Variants in TRERF1 observed in about 807,000 individuals in gnomAD.
TRERF1 encodes transcriptional-regulating factor 1.
Under a neutral mutation model 122.9 loss-of-function variants are expected in TRERF1, and 27 were observed. That is an observed-to-expected ratio of 0.22 (90% confidence interval 0.16 to 0.30). The LOEUF (loss-of-function observed/expected upper bound fraction) is 0.30, where lower values mean the gene tolerates loss of function less well. TRERF1 is among the 10% of genes least tolerant of loss of function. The pLI, the probability that TRERF1 is intolerant of heterozygous loss-of-function variation, is 1.00. For missense variants in TRERF1, 1,248 were observed against 1,560.3 expected (o/e 0.80, Z 3.37); for synonymous variants, 636 against 641.7 (o/e 0.99, Z 0.13).
intron 3 of TRERF1, among the ~76,000 whole-genome samples, chr6:42,330,008 G>A (rs1043044984): frequency 6.6e-6 from 1 of 151,880 alleles, no homozygotes; most frequent in Non-Finnish European, 1.5e-5. Flanking sequence ...AAAAAGTATT[G>A]ATTCTATGTA....
intron 13 of TRERF1, among the ~76,000 whole-genome samples, chr6:42,250,804 C>T (rs974417210): frequency 1.7e-4 from 26 of 152,108 alleles, no homozygotes; most frequent in Admixed American, 1.4e-3. Context: ...CAGAGGAAAA[C>T]TGTTTTGACC....
chr6:42,279,853 C>T (rs534056327), intron 4 of TRERF1, among the ~76,000 whole-genome samples: 1 of 152,264 alleles, frequency 6.6e-6, no homozygotes, highest in East Asian at 1.9e-4. Flanking sequence ...ACCAAAGGGT[C>T]ACCCAGGGCC....
chr6:42,307,518 G>A (rs889878965), intron 3 of TRERF1, among the ~76,000 whole-genome samples: 1 of 151,924 alleles, frequency 6.6e-6, no homozygotes, highest in African/African-American at 2.4e-5. Context: ...ATATTGGAAC[G>A]GGCCCTCCAG....
At chr6:42,426,037 C>T (rs1429846558) in intron 2 of TRERF1, among the ~76,000 whole-genome samples, 1 of 152,142 alleles carries the variant, frequency 6.6e-6, no homozygotes, top group Admixed American at 6.5e-5. Flanking sequence ...CTTGACACTT[C>T]CCTGGCTGCA....
At chr6:42,372,589 G>C (rs777360485) in intron 2 of TRERF1, among the ~76,000 whole-genome samples, 32 of 152,146 alleles carry the variant, frequency 2.1e-4, no homozygotes, top group Non-Finnish European at 4.4e-4. Context: ...CCTAGGATTC[G>C]CACCTAAGAA....
chr6:42,440,025 T>C (rs144948112), intron 2 of TRERF1, among the ~76,000 whole-genome samples: 1 of 152,322 alleles, frequency 6.6e-6, no homozygotes, highest in African/African-American at 2.4e-5. Context: ...CAATAAATGC[T>C]TGATGAACAA....
At chr6:42,428,064 G>A (rs1783915546) in intron 2 of TRERF1, among the ~76,000 whole-genome samples, 1 of 152,170 alleles carries the variant, frequency 6.6e-6, no homozygotes, top group African/African-American at 2.4e-5. Context: ...TAGGAGTCAA[G>A]TCTGGGTAAC....
intron 3 of TRERF1, among the ~76,000 whole-genome samples, chr6:42,341,523 G>T (rs76416356): frequency 0.027 from 4,115 of 152,310 alleles, 195 homozygotes; most frequent in African/African-American, 0.095. Context: ...GGGAGCAGGC[G>T]TAGAGCAAGG....
At position 42,370,133 on chromosome 6, in the gene TRERF1, A is replaced by AG. The variant is rs35720390; in HGVS notation, c.-453-7055dup. 7.6e-3 allele frequency among the ~76,000 whole-genome samples: 1,150 copies of AG among 152,222 alleles called. 13 individuals are homozygous for AG. Among genetic ancestry groups the AG allele is most frequent in the African/African-American group, 0.025 (1,035 of 41,526 alleles). On this transcript the variant is annotated intron_variant, in intron 2 of 17. Transcript: ENST00000372922. Reference sequence around the variant, plus strand: ...GGGGGTAAAGGATGGATGCAGGGGAAGGGGGGGTCTCTTTATACCCTACCA... The same window carrying AG: ...GGGGGTAAAGGATGGATGCAGGGGAAGGGGGGGGTCTCTTTATACCCTACCA...
intron 9 of TRERF1, among the ~76,000 whole-genome samples, chr6:42,258,573 G>A (rs1238133624): frequency 6.6e-6 from 1 of 152,202 alleles, no homozygotes; most frequent in Non-Finnish European, 1.5e-5. Flanking sequence ...TACATCTACT[G>A]AGTACATTTT....
chr6:42,390,157 G>C lies in TRERF1; in HGVS notation c.-453-27078C>G, dbSNP rs148009063. ...AGAATTCTACTTTCCCCACGTCTTC[G>C]AGTACAAGAGCTAATCTAGTCCTAC... On this transcript the variant is annotated intron_variant, in intron 2 of 17. Transcript: ENST00000372922. 7.3e-3 allele frequency among the ~76,000 whole-genome samples: 1,118 copies of C among 152,296 alleles called. 8 individuals carry two copies. Among genetic ancestry groups the C allele is most frequent in the Non-Finnish European group, 0.012 (802 of 68,028 alleles).
chr6:42,336,528 C>T (rs377000502), intron 3 of TRERF1, among the ~76,000 whole-genome samples: 72 of 152,200 alleles, frequency 4.7e-4, no homozygotes, highest in Non-Finnish European at 7.6e-4. Flanking sequence ...GAAGATGCAC[C>T]GGAGTAAACA....
intron 2 of TRERF1, among the ~76,000 whole-genome samples, chr6:42,449,573 G>C (rs879844829): frequency 3.9e-5 from 6 of 151,976 alleles, no homozygotes; most frequent in African/African-American, 1.5e-4. Flanking sequence ...TTGGCTCTGA[G>C]GCTAGGCATG....
At chr6:42,306,834 T>C (rs1561954441) in intron 3 of TRERF1, among the ~76,000 whole-genome samples, 1 of 152,196 alleles carries the variant, frequency 6.6e-6, no homozygotes, top group Non-Finnish European at 1.5e-5. Flanking sequence ...AACGAGTTGG[T>C]CTCCCCAGTC....
intron 16 of TRERF1, 112 bp from the exon 17 acceptor site, chr6:42,233,040 C>A: frequency 8.4e-7 from 1 of 1,194,110 alleles, no homozygotes; most frequent in Non-Finnish European, 1.1e-6. Context: ...GCATATGCTA[C>A]AAAAGGTAAA....
At chr6:42,322,585 G>A (rs958308827) in intron 3 of TRERF1, among the ~76,000 whole-genome samples, 3 of 152,036 alleles carry the variant, frequency 2.0e-5, no homozygotes, top group Admixed American at 1.3e-4. Context: ...TATAGAGAAC[G>A]ATCAAAAGAG....
chr6:42,228,754 T>G lies in TRERF1; in HGVS notation c.3279-85A>C, dbSNP rs770995002. 7.2e-6 allele frequency: 10 copies of G among 1,381,346 alleles called. No homozygotes were observed. Among genetic ancestry groups the G allele is most frequent in the Non-Finnish European group, 8.8e-6 (9 of 1,021,262 alleles). 85.6% of individuals were successfully genotyped at this position (1,381,346 alleles called of 1,614,324 possible). On this transcript the variant is annotated intron_variant, in intron 17 of 17. Coordinates refer to ENST00000372922, the Ensembl canonical transcript of TRERF1. This position sits in a 1 kb window ranked among gnomAD's most constrained non-coding sequence, Gnocchi z 4.2. ...CCAGGTGTCCTACGGGGAATGGGGG[T>G]GTGTGGTCTGACAAAGTCCCTGGCT...
intron 14 of TRERF1, among the ~76,000 whole-genome samples, chr6:42,244,672 C>CT (rs1408852484): frequency 6.6e-6 from 1 of 152,168 alleles, no homozygotes; most frequent in African/African-American, 2.4e-5. Flanking sequence ...AAAGCAGCTG[C>CT]TTTTTCATTT....
In TRERF1 at chr6:42,421,890, G is replaced by A. The variant is rs76572651; in HGVS notation, c.-454+29287C>T. Among the ~76,000 whole-genome samples the A allele has an allele frequency of 0.016, 2,356 of 151,930 alleles. 88 individuals carry two copies. The East Asian group carries it at 0.16, about 10-fold the overall frequency. Reference sequence around the variant, plus strand: ...AATCACAGTTTGAGAAACACTGGCCGCGTGTGGTGGCTCACGCCTGTAATC... The same window carrying A: ...AATCACAGTTTGAGAAACACTGGCCACGTGTGGTGGCTCACGCCTGTAATC... On this transcript the variant is annotated intron_variant, in intron 2 of 17. Coordinates refer to ENST00000372922, the Ensembl canonical transcript of TRERF1.
Sources: allele counts gnomAD v4.1 joint callset (sites outside exome capture counted in the v4.1 genomes callset), GRCh38; gene constraint gnomAD v4.1.1; non-coding constraint Gnocchi (gnomAD v3.1); transcripts MANE v1.5; gene names NCBI Gene and HGNC (gene_info 2026-07-23, HGNC 2026-07-21).